Variants in PTPRD observed in about 807,000 individuals in gnomAD.
PTPRD encodes the protein receptor-type tyrosine-protein phosphatase delta.
Under a neutral mutation model 214.5 loss-of-function variants are expected in PTPRD, and 34 were observed. That is an observed-to-expected ratio of 0.16 (90% CI 0.12 to 0.21). PTPRD has a LOEUF of 0.21. PTPRD is among the 10% of genes least tolerant of loss of function. The pLI is 1.00. For synonymous variants in PTPRD, 1,128 were observed against 845.7 expected, an observed-to-expected ratio of 1.33 and a Z score of -5.79; for missense variants, 2,545 against 2,398.7, an observed-to-expected ratio of 1.06 and a Z score of -1.27.
intron 3 of PTPRD, among the ~76,000 whole-genome samples, chr9:10,104,031 T>A (rs1272903748): frequency 1.3e-5 from 2 of 151,562 alleles, no homozygotes; most frequent in East Asian, 3.9e-4. Flanking sequence ...GTAGGAAACT[T>A]AAGGACATTA....
intron 7 of PTPRD, among the ~76,000 whole-genome samples, chr9:9,723,810 T>C (rs1428947762): frequency 6.6e-6 from 1 of 152,138 alleles, no homozygotes; most frequent in Non-Finnish European, 1.5e-5. Flanking sequence ...ATATTTGGGC[T>C]GTTCATTACG....
At chr9:9,872,211 G>A (rs1341238144) in intron 5 of PTPRD, among the ~76,000 whole-genome samples, 1 of 152,178 alleles carries the variant, frequency 6.6e-6, no homozygotes, top group Non-Finnish European at 1.5e-5. Flanking sequence ...GATTAAAAGT[G>A]TAGGCTCTGA....
At chr9:8,982,600 A>G (rs2099318656) in intron 11 of PTPRD, among the ~76,000 whole-genome samples, 1 of 151,724 alleles carries the variant, frequency 6.6e-6, no homozygotes, top group Admixed American at 6.6e-5. Context: ...AAAAAAAATA[A>G]AAAACTCCAC....
chr9:8,987,650 G>T (rs984062129), intron 11 of PTPRD, among the ~76,000 whole-genome samples: 1 of 152,052 alleles, frequency 6.6e-6, no homozygotes, highest in Non-Finnish European at 1.5e-5. Context: ...TAGTGGTTTA[G>T]ATTTGGGGTG....
chr9:8,876,048 A>G (rs2154212556), intron 11 of PTPRD, among the ~76,000 whole-genome samples: 1 of 152,332 alleles, frequency 6.6e-6, no homozygotes, highest in African/African-American at 2.4e-5. Flanking sequence ...TCTCTTACTT[A>G]GACCTTATCA....
chr9:8,729,203 C>A (rs1024297928), intron 12 of PTPRD, among the ~76,000 whole-genome samples: 7 of 152,264 alleles, frequency 4.6e-5, no homozygotes, highest in Non-Finnish European at 1.0e-4. Flanking sequence ...CTTCTACTAT[C>A]CATTCTACCC....
intron 7 of PTPRD, among the ~76,000 whole-genome samples, chr9:9,696,361 C>A (rs114451811): frequency 6.6e-6 from 1 of 152,068 alleles, no homozygotes; most frequent in African/African-American, 2.4e-5. Context: ...CTTCATTGAC[C>A]TTCTGCCTGG....
rs528709562 is a variant in PTPRD at position 8,362,809 on chromosome 9, T to C, written c.4661+13127A>G. On this transcript the variant is annotated intron_variant, in intron 39 of 45. Coordinates refer to ENST00000381196, the MANE Select transcript of PTPRD (RefSeq NM_002839.4). ...AGAGCTATAACTTCAGTCAAGTGAG[T>C]GACTTGCACAAGATCATACAGTTTT... Among the ~76,000 whole-genome samples, 3 of 152,330 alleles carry C rather than the reference T, an allele frequency of 2.0e-5. No individual in the cohort carries two copies. In the East Asian group the frequency reaches 5.8e-4, roughly 29 times the overall value.
chr9:9,573,806 T>C (rs1443043729), intron 8 of PTPRD, among the ~76,000 whole-genome samples: 1 of 151,826 alleles, frequency 6.6e-6, no homozygotes, highest in Non-Finnish European at 1.5e-5. Flanking sequence ...GTTGAGTGTT[T>C]CTTTAAAAAG....
intron 5 of PTPRD, among the ~76,000 whole-genome samples, chr9:9,796,791 T>C (rs556631328): frequency 7.2e-5 from 11 of 152,200 alleles, no homozygotes; most frequent in African/African-American, 1.7e-4. Flanking sequence ...AGGATGCTAG[T>C]GTTTTGGGGT....
chr9:9,010,325 T>C (rs1407311705), intron 11 of PTPRD, among the ~76,000 whole-genome samples: 2 of 152,190 alleles, frequency 1.3e-5, no homozygotes, highest in Non-Finnish European at 2.9e-5. Flanking sequence ...ACATTATCCA[T>C]AAGACTTTTT....
intron 2 of PTPRD, among the ~76,000 whole-genome samples, chr9:10,548,064 T>C (rs879417670): frequency 1.3e-5 from 2 of 152,104 alleles, no homozygotes; most frequent in Non-Finnish European, 2.9e-5. Context: ...AAACATTTTA[T>C]GAGCCTCTCA....
chr9:9,372,044 A>AT (rs2059654003), intron 9 of PTPRD, among the ~76,000 whole-genome samples: 1 of 152,136 alleles, frequency 6.6e-6, no homozygotes, highest in Admixed American at 6.6e-5. Flanking sequence ...TATGTGATCA[A>AT]TTTTGGAATA....
chr9:8,401,993 G>A (rs1374518820), intron 36 of PTPRD, among the ~76,000 whole-genome samples: 1 of 152,184 alleles, frequency 6.6e-6, no homozygotes, highest in East Asian at 1.9e-4. Flanking sequence ...TGTCTTTAGA[G>A]GAGAAGCCTC....
intron 8 of PTPRD, among the ~76,000 whole-genome samples, chr9:9,508,340 C>T (rs1339212223): frequency 2.6e-5 from 4 of 151,334 alleles, no homozygotes; most frequent in South Asian, 2.1e-4. Flanking sequence ...ATTCTTTCAA[C>T]GCGTTGTTTC....
At chr9:8,638,916 C>T (rs992606177) in intron 12 of PTPRD, among the ~76,000 whole-genome samples, 2 of 152,142 alleles carry the variant, frequency 1.3e-5, no homozygotes, top group African/African-American at 4.8e-5. Context: ...AATCTCGACT[C>T]ACTGCAACCT....
chr9:10,546,233 G>C lies in PTPRD; in HGVS notation c.-600+66165C>G, dbSNP rs77597874. ...TTTTTTCTATGTAACAAAAATTCTGGAAAGTAGCTGTTCTTAGTTTGAGGT... is the reference window on the plus strand; with the variant it reads ...TTTTTTCTATGTAACAAAAATTCTGCAAAGTAGCTGTTCTTAGTTTGAGGT... On this transcript the variant is annotated intron_variant, in intron 2 of 45. Coordinates refer to ENST00000381196, the MANE Select transcript of PTPRD (RefSeq NM_002839.4). Among the ~76,000 whole-genome samples the C allele has an allele frequency of 1.3e-3, 200 of 152,042 alleles. 6 individuals are homozygous for C. The South Asian group carries it at 0.031, about 23-fold the overall frequency.
chr9:10,178,762 T>C (rs527744552), intron 3 of PTPRD, among the ~76,000 whole-genome samples: 64 of 152,078 alleles, frequency 4.2e-4, no homozygotes, highest in African/African-American at 1.5e-3. Context: ...ATAGGATGTT[T>C]AGCAACATCC....
At chr9:8,735,137 T>TTG (rs2089883379) in intron 11 of PTPRD, among the ~76,000 whole-genome samples, 1 of 143,642 alleles carries the variant, frequency 7.0e-6, no homozygotes, top group South Asian at 2.2e-4. Flanking sequence ...GGTTTTTTTT[T>TTG]GTTTTTTTTT....
Sources: gnomAD v4.1 joint callset for allele counts (sites outside exome capture counted in the v4.1 genomes callset) on GRCh38, gnomAD v4.1.1 for gene constraint, MANE v1.5 for transcripts, NCBI Gene and HGNC (gene_info 2026-07-23, HGNC 2026-07-21) for gene names.